Variants in METTL8 observed in about 807,000 individuals in gnomAD.
The protein encoded by METTL8 is methyltransferase 8, tRNA N3-cytidine.
In METTL8, 32 loss-of-function variants were observed where a neutral mutation model predicts 48.7. The ratio of observed to expected loss-of-function variants is 0.66; its 90% CI spans 0.50 to 0.88. METTL8 has a LOEUF of 0.88. METTL8 is among the 40% of genes least tolerant of loss of function. METTL8 has a pLI of 0.00. For synonymous variants in METTL8, 136 were observed against 157.1 expected (o/e 0.87, Z 1.01); for missense variants, 464 against 474.4 (o/e 0.98, Z 0.20).
chr2:171,337,450 C>T lies in METTL8; in HGVS notation c.656+3G>A. 1 of 1,590,712 alleles carries T rather than the reference C, an allele frequency of 6.3e-7. No homozygotes were observed. The highest frequency in any genetic ancestry group is 8.6e-7 in the Non-Finnish European group (1 of 1,168,104). On this transcript the variant is annotated splice_donor_region_variant and intron_variant, in intron 5 of 9. Transcript: ENST00000375258. Reference sequence around the variant, plus strand: ...CTGTAGAAAGAAAACTCTTAAAACTCACTCCAAAGTGTTCAAAATTGGAAA... The same window carrying T: ...CTGTAGAAAGAAAACTCTTAAAACTTACTCCAAAGTGTTCAAAATTGGAAA...
chr2:171,371,154 G>A (rs557233295), intron 2 of METTL8, among the ~76,000 whole-genome samples: 16 of 152,220 alleles, frequency 1.1e-4, no homozygotes, highest in African/African-American at 3.1e-4. Context: ...AAATAAAAAT[G>A]TGAGTCTCAG....
intron 1 of METTL8, among the ~76,000 whole-genome samples, chr2:171,416,852 G>A (rs1432794055): frequency 6.6e-6 from 1 of 152,160 alleles, no homozygotes; most frequent in African/African-American, 2.4e-5. Context: ...TACTTAGTAC[G>A]CTATTCCATC....
chr2:171,412,308 G>A (rs1690830319), intron 1 of METTL8, among the ~76,000 whole-genome samples: 2 of 152,118 alleles, frequency 1.3e-5, no homozygotes, highest in South Asian at 4.2e-4. Context: ...CACAGACATG[G>A]CAACATCCAG....
chr2:171,415,751 T>C (rs931182984), intron 1 of METTL8, among the ~76,000 whole-genome samples: 1 of 152,144 alleles, frequency 6.6e-6, no homozygotes, highest in East Asian at 1.9e-4. Flanking sequence ...ATAATACTCA[T>C]GAGTAGAGGA....
At chr2:171,343,390 G>A (rs916516456) in intron 3 of METTL8, among the ~76,000 whole-genome samples, 2 of 151,892 alleles carry the variant, frequency 1.3e-5, no homozygotes, top group African/African-American at 4.8e-5. Flanking sequence ...GGTGAGCTGC[G>A]ATCGTGCCAT....
At chr2:171,360,854 G>C (rs1685091187) in intron 2 of METTL8, among the ~76,000 whole-genome samples, 1 of 152,176 alleles carries the variant, frequency 6.6e-6, no homozygotes, top group South Asian at 2.1e-4. Flanking sequence ...TTGCCTTTTT[G>C]TTAATTTATG....
chr2:171,362,232 G>C (rs539654006), intron 2 of METTL8, among the ~76,000 whole-genome samples: 15 of 152,256 alleles, frequency 9.9e-5, no homozygotes, highest in African/African-American at 3.6e-4. Context: ...AGTGGTCTAG[G>C]AGTAATGAGT....
intron 1 of METTL8, among the ~76,000 whole-genome samples, chr2:171,404,089 ATATATATATATG>A (rs1314550064): frequency 9.6e-6 from 1 of 103,866 alleles, no homozygotes; most frequent in Non-Finnish European, 2.0e-5. Context: ...ATATATATAT[ATATATATATATG>A]ATAGTTTAAC....
intron 3 of METTL8, among the ~76,000 whole-genome samples, chr2:171,347,022 A>C (rs562664370): frequency 6.6e-6 from 1 of 152,154 alleles, no homozygotes; most frequent in Non-Finnish European, 1.5e-5. Flanking sequence ...CTTACGTGTG[A>C]TAAGATGGTC....
At chr2:171,414,455 A>C (rs1481294407) in intron 1 of METTL8, 1 of 152,338 alleles carries the variant, frequency 6.6e-6, no homozygotes, top group African/African-American at 2.4e-5. Context: ...GGCTGGCCCC[A>C]GTAGCTCACA....
chr2:171,325,806 T>C, intron 9 of METTL8, 35 bp downstream of exon 9: 1 of 1,278,578 alleles, frequency 7.8e-7, no homozygotes, highest in Non-Finnish European at 1.1e-6. Flanking sequence ...CAAGAACGAT[T>C]ATGACCAATT....
At chr2:171,388,358 A>C (rs1688272378) in intron 2 of METTL8, among the ~76,000 whole-genome samples, 1 of 152,188 alleles carries the variant, frequency 6.6e-6, no homozygotes, top group Non-Finnish European at 1.5e-5. Flanking sequence ...TACTTCAGCT[A>C]TGAATTCAGG....
At chr2:171,425,292 T>C (rs906643251) in intron 1 of METTL8, among the ~76,000 whole-genome samples, 4 of 152,206 alleles carry the variant, frequency 2.6e-5, no homozygotes, top group African/African-American at 9.6e-5. Flanking sequence ...CCTAGGTATA[T>C]ACTCTGGAGC....
intron 1 of METTL8, among the ~76,000 whole-genome samples, chr2:171,401,282 C>T (rs1689612860): frequency 6.6e-6 from 1 of 152,136 alleles, no homozygotes; most frequent in African/African-American, 2.4e-5. Flanking sequence ...AAAACTGAAG[C>T]TTCAATTAAC....
At chr2:171,426,287 T>C (rs2105671954) in intron 1 of METTL8, among the ~76,000 whole-genome samples, 1 of 152,306 alleles carries the variant, frequency 6.6e-6, no homozygotes, top group South Asian at 2.1e-4. Flanking sequence ...GAATTACAGG[T>C]ATGTCGTAAA....
At chr2:171,397,524 A>G in intron 1 of METTL8, among the ~76,000 whole-genome samples, 1 of 140,962 alleles carries the variant, frequency 7.1e-6, no homozygotes, top group East Asian at 2.2e-4. Flanking sequence ...ATTGCACTGC[A>G]TTCTGGGCGA....
At chr2:171,337,544 T>C in intron 4 of METTL8, 42 bp from the exon 5 acceptor site, 2 of 1,523,640 alleles carry the variant, frequency 1.3e-6, no homozygotes, top group Non-Finnish European at 1.8e-6. Flanking sequence ...AAAGCAAGGT[T>C]AAATTTTTGT....
At chr2:171,405,936 T>A (rs1002948604) in intron 1 of METTL8, among the ~76,000 whole-genome samples, 8 of 151,858 alleles carry the variant, frequency 5.3e-5, no homozygotes, top group African/African-American at 1.7e-4. Context: ...AGAAAAAAAA[T>A]GGGAAAGGAC....
chr2:171,394,519 T>C (rs1265496983), intron 1 of METTL8, among the ~76,000 whole-genome samples: 3 of 152,194 alleles, frequency 2.0e-5, no homozygotes, highest in South Asian at 4.1e-4. Context: ...ATGTGAATCT[T>C]GCAGGCTGCT....
Sources: gnomAD v4.1 joint callset for allele counts (sites outside exome capture counted in the v4.1 genomes callset) on GRCh38, gnomAD v4.1.1 for gene constraint, MANE v1.5 for transcripts, NCBI Gene and HGNC (gene_info 2026-07-23, HGNC 2026-07-21) for gene names.